PIAS1: variants seen among roughly 807,000 people sequenced by gnomAD.
PIAS1 encodes E3 SUMO-protein ligase PIAS1.
In PIAS1, 6 loss-of-function variants were observed where a neutral mutation model predicts 71.3. The observed-to-expected ratio is 0.08, with a 90% CI of 0.05 to 0.17. PIAS1 has a LOEUF of 0.17. Ranked by LOEUF, PIAS1 falls within the 10% of genes least tolerant of loss-of-function variation. The probability of loss-of-function intolerance (pLI) is 1.00; values close to 1 mark genes in which losing one functional copy is unlikely to be tolerated. For synonymous variants in PIAS1, 303 were observed against 292.9 expected, an observed-to-expected ratio of 1.03 and a Z score of -0.35; for missense variants, 555 against 793.6, an observed-to-expected ratio of 0.70 and a Z score of 3.61.
At chr15:68,111,691 G>A in intron 2 of PIAS1, among the ~76,000 whole-genome samples, 1 of 152,136 alleles carries the variant, frequency 6.6e-6, no homozygotes, top group East Asian at 1.9e-4. Flanking sequence ...TTGAGGTGAG[G>A]AAGGAATTTT....
Position 68,175,766 on chromosome 15 carries a change from T to A in PIAS1, c.1299T>A (p.Asp433Glu), listed in dbSNP as rs2093016819. The change falls in exon 10 of 14, where the codon GAT becomes GAA. Residue 433 changes from aspartate to glutamate, a missense_variant and splice_region_variant. Asp to Glu is a conservative substitution (Grantham distance 45). Coordinates refer to ENST00000249636, the MANE Select transcript of PIAS1 (RefSeq NM_016166.3). ...QEVSASYNGV[D>E]GCLSSTLEHQ... ...TTTCTGCCTCTTACAATGGAGTCGATGGTGAGTAGTTCTTCACAAGGAAGA... is the reference window on the plus strand; with the variant it reads ...TTTCTGCCTCTTACAATGGAGTCGAAGGTGAGTAGTTCTTCACAAGGAAGA... 1 of 1,600,470 alleles carries A rather than the reference T, an allele frequency of 6.2e-7. No homozygotes were observed. Among genetic ancestry groups the A allele is most frequent in the Non-Finnish European group, 8.5e-7 (1 of 1,172,700 alleles).
rs577308292 is a variant in PIAS1 at position 68,105,373 on chromosome 15, T to C, written c.469+18623T>C. Reference sequence around the variant, plus strand: ...TATAATTTCCTTATGCCTGTGTAGATCGTGGAGTTCTTTTGAAGTCAATTT... The same window carrying C: ...TATAATTTCCTTATGCCTGTGTAGACCGTGGAGTTCTTTTGAAGTCAATTT... On this transcript the variant is annotated intron_variant, in intron 2 of 13. Coordinates refer to ENST00000249636, the MANE Select transcript of PIAS1 (RefSeq NM_016166.3). Among the ~76,000 whole-genome samples, 7 of 152,250 alleles carry C rather than the reference T, an allele frequency of 4.6e-5. No individual in the cohort carries two copies. In the East Asian group the frequency reaches 1.4e-3, roughly 29 times the overall value.
Position 68,188,156 on chromosome 15 carries a change from T to C in PIAS1, c.*321T>C, listed in dbSNP as rs903859802. 6 of 188,156 alleles carry C rather than the reference T, an allele frequency of 3.2e-5. No individual in the cohort carries two copies. Among genetic ancestry groups the C allele is most frequent in the African/African-American group, 1.4e-4 (6 of 42,530 alleles). The allele number at this position is 188,156 out of a possible 1,614,324, so 11.7% of individuals were successfully genotyped here. On this transcript the variant is annotated 3_prime_UTR_variant, in exon 14 of 14. Coordinates refer to ENST00000249636, the MANE Select transcript of PIAS1 (RefSeq NM_016166.3). Reference sequence around the variant, plus strand: ...TTTCTGGATTCTGAAGATTTTTCATTATTTGTCCTATGGTTTTGGTTTTAT... The same window carrying C: ...TTTCTGGATTCTGAAGATTTTTCATCATTTGTCCTATGGTTTTGGTTTTAT...
At chr15:68,141,148 A>G (rs965135064) in intron 2 of PIAS1, among the ~76,000 whole-genome samples, 1 of 152,074 alleles carries the variant, frequency 6.6e-6, no homozygotes, top group Non-Finnish European at 1.5e-5. Context: ...AGTTTGTGCT[A>G]TAATGGTGCC....
At position 68,171,391 on chromosome 15, in the gene PIAS1, G is replaced by A. The variant is rs191996955; in HGVS notation, c.1009-2341G>A. Among the ~76,000 whole-genome samples, 18 of 152,140 alleles carry A rather than the reference G, an allele frequency of 1.2e-4. 1 individual carries two copies. Among genetic ancestry groups the A allele is most frequent in the Non-Finnish European group, 5.9e-5 (4 of 67,988 alleles). ...GTACACTCCAAAATAATGATAAAAAGTATAGTAAATACAGAAACCAGTAAC... is the reference window on the plus strand; with the variant it reads ...GTACACTCCAAAATAATGATAAAAAATATAGTAAATACAGAAACCAGTAAC... On this transcript the variant is annotated intron_variant, in intron 8 of 13. Transcript: ENST00000249636. The surrounding 1 kb of genome is among the most constrained non-coding windows in gnomAD (Gnocchi z 4.4).
chr15:68,115,272 G>A (rs904967556), intron 2 of PIAS1, among the ~76,000 whole-genome samples: 2 of 151,990 alleles, frequency 1.3e-5, no homozygotes, highest in Non-Finnish European at 2.9e-5. Context: ...GGGACTATAT[G>A]GTAAGAGTAT....
intron 7 of PIAS1, among the ~76,000 whole-genome samples, chr15:68,162,752 T>C (rs988756205): frequency 3.9e-5 from 6 of 152,292 alleles, no homozygotes; most frequent in African/African-American, 1.4e-4. Context: ...TGGAATTCTT[T>C]CTTTTTAAAG....
chr15:68,091,233 AT>A, intron 2 of PIAS1, among the ~76,000 whole-genome samples: 1 of 152,292 alleles, frequency 6.6e-6, no homozygotes, highest in African/African-American at 2.4e-5. Flanking sequence ...GGACAAGATA[AT>A]TATTTGATAT....
Position 68,102,546 on chromosome 15 carries a change from T to G in PIAS1, c.469+15796T>G, listed in dbSNP as rs76654746. Reference sequence around the variant, plus strand: ...TATCAATTTAGGGATGATTAATAATTTTTCTATTTTGAGCCTTCCAGTATA... The same window carrying G: ...TATCAATTTAGGGATGATTAATAATGTTTCTATTTTGAGCCTTCCAGTATA... On this transcript the variant is annotated intron_variant, in intron 2 of 13. Transcript: ENST00000249636. Among the ~76,000 whole-genome samples, 1,051 of 152,338 alleles carry G rather than the reference T, an allele frequency of 6.9e-3. 5 individuals are homozygous for G. Among genetic ancestry groups the G allele is most frequent in the Middle Eastern group, 0.014 (4 of 294 alleles).
chr15:68,072,325 A>G (rs545645350), intron 1 of PIAS1, among the ~76,000 whole-genome samples: 2 of 141,636 alleles, frequency 1.4e-5, no homozygotes, highest in Non-Finnish European at 3.0e-5. Context: ...GCGTGAACCC[A>G]GGAGGCGGAG....
intron 2 of PIAS1, among the ~76,000 whole-genome samples, chr15:68,114,668 A>G (rs1195174991): frequency 6.6e-6 from 1 of 152,074 alleles, no homozygotes; most frequent in Non-Finnish European, 1.5e-5. Flanking sequence ...AATTGAAAGT[A>G]CAGCCTCTTA....
chr15:68,180,893 C>G (rs551148244), intron 11 of PIAS1, among the ~76,000 whole-genome samples: 1 of 152,150 alleles, frequency 6.6e-6, no homozygotes, highest in Admixed American at 6.6e-5. Flanking sequence ...ACTCATATCC[C>G]GTTAAAGTGG....
chr15:68,175,986 A>G (rs552832246), intron 10 of PIAS1, among the ~76,000 whole-genome samples: 16 of 152,310 alleles, frequency 1.1e-4, no homozygotes, highest in African/African-American at 3.4e-4. Context: ...TTTCAAAGTA[A>G]TGTAATATAA....
intron 2 of PIAS1, among the ~76,000 whole-genome samples, chr15:68,117,997 C>T (rs964212550): frequency 6.6e-6 from 1 of 152,114 alleles, no homozygotes; most frequent in African/African-American, 2.4e-5. Context: ...CCCTGTTCTC[C>T]TTATCCTTAC....
chr15:68,134,929 C>T (rs1163035076), intron 2 of PIAS1, among the ~76,000 whole-genome samples: 4 of 52,500 alleles, frequency 7.6e-5, no homozygotes, highest in Non-Finnish European at 3.0e-4. Flanking sequence ...TGGGCAGAGG[C>T]GCCCCCCACC....
intron 1 of PIAS1, among the ~76,000 whole-genome samples, chr15:68,077,217 C>A (rs916636215): frequency 6.6e-6 from 1 of 152,086 alleles, no homozygotes; most frequent in Non-Finnish European, 1.5e-5. Context: ...CCAAATAAAA[C>A]AAACCTAAAA....
At chr15:68,146,119 G>T (rs752360080) in intron 5 of PIAS1, among the ~76,000 whole-genome samples, 3 of 152,136 alleles carry the variant, frequency 2.0e-5, no homozygotes, top group Non-Finnish European at 4.4e-5. Flanking sequence ...GGGTATGGTA[G>T]CTTTAGTGTT....
intron 7 of PIAS1, among the ~76,000 whole-genome samples, chr15:68,157,338 C>A (rs2092897558): frequency 2.0e-5 from 3 of 152,272 alleles, no homozygotes; most frequent in Admixed American, 1.3e-4. Context: ...TGTCAAGACT[C>A]TTTTATCTTT....
chr15:68,060,317 T>C (rs1262026491), intron 1 of PIAS1, among the ~76,000 whole-genome samples: 4 of 152,118 alleles, frequency 2.6e-5, no homozygotes, highest in Non-Finnish European at 5.9e-5. Context: ...TATCAGTTTT[T>C]AACTGGCATT....
Sources: gnomAD v4.1 joint callset for allele counts (sites outside exome capture counted in the v4.1 genomes callset) on GRCh38, gnomAD v4.1.1 for gene constraint, Gnocchi (gnomAD v3.1) non-coding constraint, MANE v1.5 for transcripts, NCBI Gene and HGNC (gene_info 2026-07-23, HGNC 2026-07-21) for gene names.